Variants in FBXO25 observed in about 807,000 individuals in gnomAD.
FBXO25 encodes the protein F-box protein 25.
A neutral mutation model predicts 51.9 loss-of-function variants in FBXO25; 45 were observed. The observed-to-expected ratio is 0.87, with a 90% CI of 0.68 to 1.11. The LOEUF is 1.11. Among genes scored for constraint, FBXO25 ranks in the 50% most tolerant of loss-of-function variants. FBXO25 has a pLI of 0.00. For synonymous variants in FBXO25, 199 were observed against 151.0 expected (o/e 1.32, Z -2.33); for missense variants, 507 against 428.5 (o/e 1.18, Z -1.62).
chr8:422,927 A>G (rs571903496), intron 2 of FBXO25, among the ~76,000 whole-genome samples: 2 of 152,224 alleles, frequency 1.3e-5, no homozygotes, highest in Non-Finnish European at 2.9e-5. Flanking sequence ...ACTGTACTTA[A>G]AAGTCTATTC....
rs1042394537 is a variant in FBXO25 at position 476,441 on chromosome 8, G to A, written c.*7637G>A. 2 of 152,270 alleles carry A rather than the reference G, an allele frequency of 1.3e-5. No individual in the cohort carries two copies. The highest frequency in any genetic ancestry group is 4.8e-5 in the African/African-American group (2 of 41,556). The allele number at this position is 152,270 out of a possible 1,614,324, so 9.4% of individuals were successfully genotyped here. ...TTTTTGGAAGAGTTTGAGGAGAATT[G>A]ATTTAATTCTTCAGATGTTTGCCAG... On this transcript the variant is annotated 3_prime_UTR_variant, in exon 10 of 10. Coordinates refer to ENST00000350302, the MANE Select transcript of FBXO25 (RefSeq NM_183420.2).
At position 476,498 on chromosome 8, in the gene FBXO25, TG is replaced by T. The variant is rs1404387094; in HGVS notation, c.*7697del. 1 of 152,190 alleles carries T rather than the reference TG, an allele frequency of 6.6e-6. No homozygotes were observed. Among genetic ancestry groups the T allele is most frequent in the East Asian group, 1.9e-4 (1 of 5,202 alleles). 9.4% of individuals were successfully genotyped at this position (152,190 alleles called of 1,614,324 possible). Reference sequence around the variant, plus strand: ...CATATGACCCTGGGCTTTTCTTTCTTGGGAGGCTTTTCTTTACTACTTCATG... The same window carrying T: ...CATATGACCCTGGGCTTTTCTTTCTTGGAGGCTTTTCTTTACTACTTCATG... On this transcript the variant is annotated 3_prime_UTR_variant, in exon 10 of 10. Coordinates refer to ENST00000350302, the MANE Select transcript of FBXO25 (RefSeq NM_183420.2).
rs1327897879 is a variant in FBXO25, at chr8:469,099, C to CA, written c.*296dup. 6 of 292,978 alleles carry CA rather than the reference C, an allele frequency of 2.0e-5. No individual in the cohort carries two copies. The highest frequency in any genetic ancestry group is 3.7e-5 in the Non-Finnish European group (6 of 160,316). The allele number at this position is 292,978 out of a possible 1,614,324, so 18.1% of individuals were successfully genotyped here. On this transcript the variant is annotated 3_prime_UTR_variant, in exon 10 of 10. Transcript: ENST00000350302. ...ATAGTTCAAAAATACTTTAGGTGGTCAGCTCCACATTCTTTGTTGACGTGA... is the reference window on the plus strand; with the variant it reads ...ATAGTTCAAAAATACTTTAGGTGGTCAAGCTCCACATTCTTTGTTGACGTGA...
In FBXO25 at chr8:431,410, A is replaced by G. The variant is rs141960857; in HGVS notation, c.204A>G (p.Lys68=). The change falls in exon 3 of 10, where the codon AAA becomes AAG. Residue 68 remains lysine, a synonymous_variant. Coordinates refer to ENST00000350302, the MANE Select transcript of FBXO25 (RefSeq NM_183420.2). Reference sequence around the variant, plus strand: ...ATGAATATGCATCGAAAAAAAGGAAAAAGGACCATTTTAGAAATGACACAA... The same window carrying G: ...ATGAATATGCATCGAAAAAAAGGAAGAAGGACCATTTTAGAAATGACACAA... The part of the protein sequence containing the change: ...EEHEYASKKR[K]KDHFRNDTNT... 1.4e-3 allele frequency: 2,142 copies of G among 1,549,548 alleles called. 82 individuals are homozygous for G. In the East Asian group the frequency reaches 0.033, roughly 24 times the overall value.
chr8:476,565 C>T lies in FBXO25; in HGVS notation c.*7761C>T, dbSNP rs1800649489. ...GGTCTGTTCAGATTTTCCATTTCTTCATGATTCAATCTTGATAGGCTGTGT... is the reference window on the plus strand; with the variant it reads ...GGTCTGTTCAGATTTTCCATTTCTTTATGATTCAATCTTGATAGGCTGTGT... On this transcript the variant is annotated 3_prime_UTR_variant, in exon 10 of 10. Coordinates refer to ENST00000350302, the MANE Select transcript of FBXO25 (RefSeq NM_183420.2). The T allele has an allele frequency of 6.6e-6, 1 of 152,282 alleles. No homozygotes were observed. Among genetic ancestry groups the T allele is most frequent in the Admixed American group, 6.5e-5 (1 of 15,292 alleles). 9.4% of individuals were successfully genotyped at this position (152,282 alleles called of 1,614,324 possible).
chr8:425,961 C>T (rs1277277672), intron 2 of FBXO25, among the ~76,000 whole-genome samples: 1 of 151,014 alleles, frequency 6.6e-6, no homozygotes, highest in Admixed American at 6.6e-5. Context: ...TTGGTTGGCT[C>T]CCCACAGTAC....
chr8:418,054 G>A (rs1019584987), intron 2 of FBXO25, among the ~76,000 whole-genome samples: 6 of 152,138 alleles, frequency 3.9e-5, no homozygotes, highest in African/African-American at 1.4e-4. Context: ...CAAGTTGTGT[G>A]TGTGTCAGTG....
chr8:425,485 T>C (rs1274703507), intron 2 of FBXO25, among the ~76,000 whole-genome samples: 1 of 151,916 alleles, frequency 6.6e-6, no homozygotes, highest in Non-Finnish European at 1.5e-5. Context: ...GATTTACTTC[T>C]TAGTTCTATT....
chr8:463,090 G>A lies in FBXO25; in HGVS notation c.927G>A (p.Ala309=), dbSNP rs778596767. The stretch of plus-strand genomic sequence containing the variant: ...TTGCACTTCAGAAACATTACCCAGC[G>A]AAGGAGCAGTACGGAGACACACTGC... The part of the protein sequence containing the change: ...MYFALQKHYP[A]KEQYGDTLHF... Residue 309 remains alanine, a synonymous_variant, in exon 9 of 10, where the codon GCG becomes GCA. Coordinates refer to ENST00000350302, the MANE Select transcript of FBXO25 (RefSeq NM_183420.2). 17 of 1,613,878 alleles carry A rather than the reference G, an allele frequency of 1.1e-5. No homozygotes were observed. The highest frequency in any genetic ancestry group is 1.2e-5 in the Non-Finnish European group (14 of 1,180,004).
chr8:474,392 C>T lies in FBXO25; in HGVS notation c.*5588C>T, dbSNP rs1049515622. 3.4e-5 allele frequency: 9 copies of T among 267,960 alleles called. No homozygotes were observed. The highest frequency in any genetic ancestry group is 5.7e-5 in the Non-Finnish European group (8 of 139,364). 16.6% of individuals were successfully genotyped at this position (267,960 alleles called of 1,614,324 possible). On this transcript the variant is annotated 3_prime_UTR_variant, in exon 10 of 10. Transcript: ENST00000350302. ...TTTTAGCTATTGTGAATATTGCTGC[C>T]GTAAACATGGGTGTGCAAATATCTG... is the stretch of plus-strand genomic sequence containing the variant.
intron 2 of FBXO25, among the ~76,000 whole-genome samples, chr8:419,333 C>T (rs1797012795): frequency 3.9e-5 from 6 of 152,176 alleles, no homozygotes; most frequent in Admixed American, 3.9e-4. Flanking sequence ...CCTGTCATTG[C>T]ACTCCAGCCT....
intron 2 of FBXO25, among the ~76,000 whole-genome samples, chr8:413,867 A>G (rs1796638309): frequency 6.6e-6 from 1 of 152,238 alleles, no homozygotes; most frequent in Non-Finnish European, 1.5e-5. Context: ...CCATGTGTCC[A>G]GATAAAAACC....
At chr8:439,309 C>G (rs3857917) in intron 5 of FBXO25, among the ~76,000 whole-genome samples, 51,519 of 152,060 alleles carry the variant, frequency 0.34, 9,789 homozygotes, top group African/African-American at 0.52. Flanking sequence ...CTTGGGAGGT[C>G]CATGCAGGGC....
intron 5 of FBXO25, 59 bp from the exon 6 acceptor site, chr8:449,931 G>A: frequency 1.7e-6 from 2 of 1,200,630 alleles, no homozygotes; most frequent in Non-Finnish European, 2.4e-6. Context: ...TATCACTGTG[G>A]TTTGTAATTC....
intron 5 of FBXO25, among the ~76,000 whole-genome samples, chr8:446,415 G>A (rs1488134228): frequency 6.6e-6 from 1 of 152,318 alleles, no homozygotes; most frequent in South Asian, 2.1e-4. Flanking sequence ...GGGAGGCTTT[G>A]GTTATTAAGC....
At chr8:412,693 G>C (rs1475761562) in intron 1 of FBXO25, among the ~76,000 whole-genome samples, 1 of 152,146 alleles carries the variant, frequency 6.6e-6, no homozygotes, top group East Asian at 1.9e-4. Flanking sequence ...ACTTAGAGTT[G>C]CTGAACATGA....
At chr8:467,346 A>C (rs1396479370) in intron 9 of FBXO25, among the ~76,000 whole-genome samples, 3 of 152,220 alleles carry the variant, frequency 2.0e-5, no homozygotes, top group African/African-American at 4.8e-5. Flanking sequence ...TTCCCCAAAA[A>C]AATCTGTTAT....
At chr8:411,116 A>G (rs1217720414) in intron 1 of FBXO25, among the ~76,000 whole-genome samples, 1 of 152,182 alleles carries the variant, frequency 6.6e-6, no homozygotes, top group Non-Finnish European at 1.5e-5. Context: ...ATTTTTCTCT[A>G]CGATATAAAT....
chr8:417,975 C>G (rs1247236515), intron 2 of FBXO25, among the ~76,000 whole-genome samples: 2 of 152,318 alleles, frequency 1.3e-5, no homozygotes, highest in South Asian at 4.1e-4. Flanking sequence ...ACATTACCTT[C>G]TGTAATTTTG....
Sources: gnomAD v4.1 joint callset for allele counts (sites outside exome capture counted in the v4.1 genomes callset) on GRCh38, gnomAD v4.1.1 for gene constraint, MANE v1.5 for transcripts, NCBI Gene and HGNC (gene_info 2026-07-23, HGNC 2026-07-21) for gene names.